CDNF: variants seen among roughly 807,000 people sequenced by gnomAD.
CDNF encodes cerebral dopamine neurotrophic factor, also known as ARMET-like protein 1.
Under a neutral mutation model 14.8 loss-of-function variants are expected in CDNF, and 9 were observed. That is an observed-to-expected ratio of 0.61 (90% CI 0.37 to 1.06). CDNF has a LOEUF of 1.06. Among genes scored for constraint, CDNF ranks in the 50% least tolerant of loss-of-function variants. The probability of loss-of-function intolerance (pLI) is 0.01; values close to 1 mark genes in which losing one functional copy is unlikely to be tolerated. For missense variants in CDNF, 228 were observed against 228.4 expected, an observed-to-expected ratio of 1.00 and a Z score of 0.01; for synonymous variants, 86 against 87.2, an observed-to-expected ratio of 0.99 and a Z score of 0.07.
rs189997726 is a variant in CDNF at position 14,823,175 on chromosome 10, G to T, written c.385+2304C>A. ...AACTATTAGTCTATTCAAGATAAGA[G>T]GCTGAAGGAGAAAAATACATTTTTT... On this transcript the variant is annotated intron_variant, in intron 3 of 3. Transcript: ENST00000465530. Among the ~76,000 whole-genome samples, 20 of 152,342 alleles carry T rather than the reference G, an allele frequency of 1.3e-4. No homozygotes were observed. In the East Asian group the frequency reaches 3.5e-3, roughly 26 times the overall value.
At chr10:14,829,290 A>T (rs1833824584) in intron 1 of CDNF, among the ~76,000 whole-genome samples, 1 of 152,228 alleles carries the variant, frequency 6.6e-6, no homozygotes, top group African/African-American at 2.4e-5. Flanking sequence ...GATCTGCATA[A>T]GTCTTTATTT....
chr10:14,819,814 A>G lies in CDNF; in HGVS notation c.*166T>C. On this transcript the variant is annotated 3_prime_UTR_variant, in exon 4 of 4. Transcript: ENST00000465530. ...GCAAATGTAAGTTATCAGTAGTATT[A>G]GTTTCACTCATAAACCCACGTAACA... 4.7e-6 allele frequency: 3 copies of G among 644,484 alleles called. No homozygotes were observed. The highest frequency in any genetic ancestry group is 5.3e-6 in the Non-Finnish European group (2 of 377,390). 39.9% of individuals were successfully genotyped at this position (644,484 alleles called of 1,614,324 possible). A position where few individuals can be genotyped will look rare whatever the true frequency, so the allele number is the denominator to read the frequency against.
At position 14,819,915 on chromosome 10, in the gene CDNF, T is replaced by C; in HGVS notation, c.*65A>G. 11 of 1,443,902 alleles carry C rather than the reference T, an allele frequency of 7.6e-6. No individual in the cohort carries two copies. Among genetic ancestry groups the C allele is most frequent in the Non-Finnish European group, 1.0e-5 (11 of 1,057,426 alleles). The allele number at this position is 1,443,902 out of a possible 1,614,324, so 89.4% of individuals were successfully genotyped here. The stretch of plus-strand genomic sequence containing the variant: ...CATTCCCAGTTATCCTTAATCAACA[T>C]GTCCATATCCTAGAGAGTCACTTTT... On this transcript the variant is annotated 3_prime_UTR_variant, in exon 4 of 4. Transcript: ENST00000465530.
At position 14,826,109 on chromosome 10, in the gene CDNF, GC is replaced by G. The variant is rs1255180370; in HGVS notation, c.244-490del. On this transcript the variant is annotated intron_variant, in intron 2 of 3. Transcript: ENST00000465530. ...AGAAGAAGAAGAAGCAGCAGCAGCAGCAGCAGCAGCAGCAGAAGCAGGAGAA... is the reference window on the plus strand; with the variant it reads ...AGAAGAAGAAGAAGCAGCAGCAGCAGAGCAGCAGCAGCAGAAGCAGGAGAA... Among the ~76,000 whole-genome samples the G allele has an allele frequency of 3.0e-3, 397 of 134,562 alleles. 18 individuals are homozygous for G. The highest frequency in any genetic ancestry group is 0.01 in the African/African-American group (358 of 34,688). The allele number at this position is 134,562 out of a possible 152,430, so 88.3% of individuals were successfully genotyped here.
chr10:14,832,054 A>C (rs1027767970), intron 1 of CDNF, among the ~76,000 whole-genome samples: 5 of 152,240 alleles, frequency 3.3e-5, no homozygotes, highest in Non-Finnish European at 1.5e-5. Context: ...ATCCGATAGA[A>C]GTAAAGGTAT....
intron 2 of CDNF, among the ~76,000 whole-genome samples, chr10:14,827,615 G>A (rs1377810343): frequency 6.6e-6 from 1 of 152,130 alleles, no homozygotes; most frequent in Non-Finnish European, 1.5e-5. Flanking sequence ...GAATTGGGCT[G>A]GGCATGGTAG....
Position 14,826,215 on chromosome 10 carries a change from A to C in CDNF, c.244-595T>G, listed in dbSNP as rs992487294. 8.6e-4 allele frequency among the ~76,000 whole-genome samples: 126 copies of C among 145,944 alleles called. 2 individuals are homozygous for C. The highest frequency in any genetic ancestry group is 3.1e-3 in the African/African-American group (116 of 37,644). On this transcript the variant is annotated intron_variant, in intron 2 of 3. Coordinates refer to ENST00000465530, the MANE Select transcript of CDNF (RefSeq NM_001029954.3). ...GCAGCAGAAGAAGAAGAAGAAGAAG[A>C]AGAAGCAGAAGCAGAAGCAGCAGCA...
chr10:14,826,005 AAGC>A (rs1564313179), intron 2 of CDNF, among the ~76,000 whole-genome samples: 2 of 132,700 alleles, frequency 1.5e-5, no homozygotes, highest in Non-Finnish European at 3.0e-5. Context: ...GCAGCAGAAG[AAGC>A]AGAAGCAGAA....
intron 2 of CDNF, among the ~76,000 whole-genome samples, chr10:14,827,641 C>T (rs1833809939): frequency 6.6e-6 from 1 of 151,942 alleles, no homozygotes; most frequent in African/African-American, 2.4e-5. Context: ...TCTTGTAATC[C>T]CAGCACTTTG....
chr10:14,831,434 A>G (rs554132913), intron 1 of CDNF, among the ~76,000 whole-genome samples: 1 of 151,320 alleles, frequency 6.6e-6, no homozygotes, highest in East Asian at 1.9e-4. Flanking sequence ...ATGACTGGCC[A>G]ATCATGTCAT....
intron 1 of CDNF, among the ~76,000 whole-genome samples, chr10:14,835,808 C>A (rs953340765): frequency 6.6e-6 from 1 of 152,012 alleles, no homozygotes; most frequent in Non-Finnish European, 1.5e-5. Context: ...AGGGGCCAGG[C>A]AAGGAAAAAG....
At chr10:14,826,476 GAAGAAA>G (rs1205538714) in intron 2 of CDNF, among the ~76,000 whole-genome samples, 17 of 134,086 alleles carry the variant, frequency 1.3e-4, no homozygotes, top group African/African-American at 1.7e-4. Context: ...AGCAGAAGAA[GAAGAAA>G]AAGAAGAAGA....
intron 1 of CDNF, among the ~76,000 whole-genome samples, chr10:14,830,011 G>A (rs754568101): frequency 3.9e-5 from 6 of 152,102 alleles, no homozygotes; most frequent in Admixed American, 2.0e-4. Flanking sequence ...TGCGCCACAC[G>A]ATACTCATAC....
intron 1 of CDNF, among the ~76,000 whole-genome samples, chr10:14,832,598 T>C (rs1367175019): frequency 6.6e-6 from 1 of 152,174 alleles, no homozygotes; most frequent in Non-Finnish European, 1.5e-5. Context: ...TTGCATCTCT[T>C]AGACCAGGGC....
intron 2 of CDNF, 117 bp from the exon 3 acceptor site, chr10:14,825,737 G>T: frequency 1.8e-6 from 2 of 1,097,732 alleles, no homozygotes; most frequent in Middle Eastern, 2.5e-4. Context: ...GGTGGCTCAC[G>T]CCTGTAATCC....
At chr10:14,830,340 T>TA (rs1402776467) in intron 1 of CDNF, among the ~76,000 whole-genome samples, 1 of 152,202 alleles carries the variant, frequency 6.6e-6, no homozygotes, top group East Asian at 1.9e-4. Context: ...TCTTTAAACA[T>TA]AAAAAAACAT....
intron 1 of CDNF, among the ~76,000 whole-genome samples, chr10:14,829,624 TTTTGTTTG>T (rs971873492): frequency 2.9e-4 from 44 of 152,088 alleles, no homozygotes; most frequent in Non-Finnish European, 5.3e-4. Flanking sequence ...TCAGAGTTTT[TTTTGTTTG>T]TTTGTTTGTT....
intron 2 of CDNF, among the ~76,000 whole-genome samples, chr10:14,827,125 T>C (rs1032313703): frequency 1.3e-5 from 2 of 151,014 alleles, no homozygotes; most frequent in African/African-American, 4.9e-5. Flanking sequence ...TCCCAGATAC[T>C]TGGGAAGCTG....
chr10:14,820,014 T>A lies in CDNF; in HGVS notation c.530A>T (p.Lys177Met). The A allele has an allele frequency of 6.2e-7, 1 of 1,614,130 alleles. No homozygotes were observed. Residue 177 changes from lysine (K) to methionine (M), a missense_variant, in exon 4 of 4, where the codon AAG becomes ATG. Lys to Met is a moderately conservative substitution (Grantham distance 95). Coordinates refer to ENST00000465530, the MANE Select transcript of CDNF (RefSeq NM_001029954.3). ...YVNLIQELAPKYAATHPKTEL is the reference protein window; with the variant it reads ...YVNLIQELAPMYAATHPKTEL ...TGTTTTGGGGTGTGTCGCTGCATACTTGGGGGCCAGCTCTTGAATGAGATT... is the reference window on the plus strand; with the variant it reads ...TGTTTTGGGGTGTGTCGCTGCATACATGGGGGCCAGCTCTTGAATGAGATT...
Sources: allele counts gnomAD v4.1 joint callset (sites outside exome capture counted in the v4.1 genomes callset), GRCh38; gene constraint gnomAD v4.1.1; transcripts MANE v1.5; gene names NCBI Gene and HGNC (gene_info 2026-07-23, HGNC 2026-07-21).